COL23A1: variants seen among roughly 807,000 people sequenced by gnomAD.
COL23A1 encodes collagen type XXIII alpha 1 chain.
COL23A1 carries 97 observed loss-of-function variants against 99.3 expected under a neutral mutation model. The ratio of observed to expected loss-of-function variants is 0.98; its 90% CI spans 0.83 to 1.16. The LOEUF (loss-of-function observed/expected upper bound fraction) is 1.16. Ranked by LOEUF, COL23A1 falls within the 50% of genes most tolerant of loss-of-function variation. The pLI is 0.00. For synonymous variants in COL23A1, 320 were observed against 308.2 expected, an observed-to-expected ratio of 1.04 and a Z score of -0.40; for missense variants, 762 against 757.4, an observed-to-expected ratio of 1.01 and a Z score of -0.07.
intron 2 of COL23A1, among the ~76,000 whole-genome samples, chr5:178,527,112 T>G (rs965144483): frequency 4.6e-5 from 7 of 152,038 alleles, no homozygotes; most frequent in African/African-American, 2.4e-5. Context: ...AAGGGGGAAG[T>G]TGGACCCCAG....
At chr5:178,435,476 C>T (rs1766506431) in intron 2 of COL23A1, among the ~76,000 whole-genome samples, 1 of 152,198 alleles carries the variant, frequency 6.6e-6, no homozygotes, top group Admixed American at 6.5e-5. Flanking sequence ...GCAGCCCAGC[C>T]CTGGGGTGCA....
intron 2 of COL23A1, among the ~76,000 whole-genome samples, chr5:178,334,940 C>A (rs1043582984): frequency 6.6e-6 from 1 of 152,250 alleles, no homozygotes; most frequent in Non-Finnish European, 1.5e-5. Flanking sequence ...GTGCCTCCCC[C>A]ACACCCCAGA....
At chr5:178,549,260 C>T (rs1441535924) in intron 2 of COL23A1, among the ~76,000 whole-genome samples, 2 of 151,790 alleles carry the variant, frequency 1.3e-5, no homozygotes, top group East Asian at 1.9e-4. Flanking sequence ...TCCCAAAGTG[C>T]TGGGATTACA....
intron 2 of COL23A1, among the ~76,000 whole-genome samples, chr5:178,499,181 CCA>C (rs1758391383): frequency 6.6e-6 from 1 of 151,962 alleles, no homozygotes; most frequent in Non-Finnish European, 1.5e-5. Flanking sequence ...GAAAAAACAC[CCA>C]CACATAAAAC....
chr5:178,538,968 G>A (rs965063666), intron 2 of COL23A1, among the ~76,000 whole-genome samples: 1 of 152,178 alleles, frequency 6.6e-6, no homozygotes, highest in African/African-American at 2.4e-5. Context: ...AAAAGAAGCC[G>A]GATGAAAAAG....
chr5:178,503,717 T>C (rs1418835887), intron 2 of COL23A1, among the ~76,000 whole-genome samples: 2 of 151,812 alleles, frequency 1.3e-5, no homozygotes, highest in African/African-American at 2.4e-5. Flanking sequence ...AAGGTGAACT[T>C]GGGTATAGGA....
rs185227274 is a variant in COL23A1 at position 178,482,459 on chromosome 5, T to C, written c.361+78223A>G. Among the ~76,000 whole-genome samples the C allele has an allele frequency of 1.5e-3, 222 of 152,114 alleles. 1 individual carries two copies. Among genetic ancestry groups the C allele is most frequent in the African/African-American group, 4.8e-3 (200 of 41,498 alleles). On this transcript the variant is annotated intron_variant, in intron 2 of 28. Transcript: ENST00000390654. ...AACGGGGGCGGGGCAAAGAGGGGAT[T>C]GGGGAATTATCGTTTAATGGGTATG...
At chr5:178,510,709 G>T (rs1285364484) in intron 2 of COL23A1, among the ~76,000 whole-genome samples, 1 of 151,350 alleles carries the variant, frequency 6.6e-6, no homozygotes, top group Non-Finnish European at 1.5e-5. Context: ...AAAAAAAAGA[G>T]AAAAGAAAAT....
In COL23A1 at chr5:178,415,576, T is replaced by A. The variant is rs1207577474; in HGVS notation, c.362-108657A>T. ...ACGAGGGACGCCCCTTGCAGATACTTCCAATGTGCTGACTGCTGGCACCAG... is the reference window on the plus strand; with the variant it reads ...ACGAGGGACGCCCCTTGCAGATACTACCAATGTGCTGACTGCTGGCACCAG... On this transcript the variant is annotated intron_variant, in intron 2 of 28. Transcript: ENST00000390654. The surrounding 1 kb of genome is among the most constrained non-coding windows in gnomAD (Gnocchi z 4.6). 1.3e-5 allele frequency among the ~76,000 whole-genome samples: 2 copies of A among 152,058 alleles called. No homozygotes were observed. Among genetic ancestry groups the A allele is most frequent in the Non-Finnish European group, 2.9e-5 (2 of 68,004 alleles).
intron 2 of COL23A1, among the ~76,000 whole-genome samples, chr5:178,394,197 C>T (rs929958979): frequency 6.6e-6 from 1 of 152,210 alleles, no homozygotes; most frequent in East Asian, 1.9e-4. Flanking sequence ...TCACTATCTG[C>T]ACCTGTCCTG....
intron 2 of COL23A1, among the ~76,000 whole-genome samples, chr5:178,348,658 G>A (rs961932488): frequency 1.3e-5 from 2 of 152,194 alleles, no homozygotes; most frequent in African/African-American, 4.8e-5. Flanking sequence ...TGCCTCAGGA[G>A]GGGAAAGGGG....
At chr5:178,585,706 C>A (rs866310784) in intron 1 of COL23A1, among the ~76,000 whole-genome samples, 29 of 119,834 alleles carry the variant, frequency 2.4e-4, no homozygotes, top group African/African-American at 9.8e-4. Context: ...GCCCTACAGC[C>A]CTGGATGGCG....
Position 178,267,334 on chromosome 5 carries a change from CT to C in COL23A1, c.496-2del. ...GGGGGCCAAAGTCTCCTGGTGCACCCTGGGAACAAAAGACAGGGAGAGGCAT... is the reference window on the plus strand; with the variant it reads ...GGGGGCCAAAGTCTCCTGGTGCACCCGGGAACAAAAGACAGGGAGAGGCAT... On this transcript the variant is annotated splice_acceptor_variant, in intron 7 of 28. Coordinates refer to ENST00000390654, the MANE Select transcript of COL23A1 (RefSeq NM_173465.4). LOFTEE classifies it high-confidence loss of function. 1 of 1,613,720 alleles carries C rather than the reference CT, an allele frequency of 6.2e-7. No individual in the cohort carries two copies. Among genetic ancestry groups the C allele is most frequent in the Non-Finnish European group, 8.5e-7 (1 of 1,179,904 alleles).
Position 178,309,920 on chromosome 5 carries a change from T to C in COL23A1, c.362-3001A>G, listed in dbSNP as rs1365612893. Reference sequence around the variant, plus strand: ...CACTGCAGGACACGACCAAGTGATGTGTGTTCAGGGGAGGAAGGGCGGGGG... The same window carrying C: ...CACTGCAGGACACGACCAAGTGATGCGTGTTCAGGGGAGGAAGGGCGGGGG... On this transcript the variant is annotated intron_variant, in intron 2 of 28. Coordinates refer to ENST00000390654, the MANE Select transcript of COL23A1 (RefSeq NM_173465.4). The surrounding 1 kb of genome is among the most constrained non-coding windows in gnomAD (Gnocchi z 4.7). Among the ~76,000 whole-genome samples, 4 of 130,608 alleles carry C rather than the reference T, an allele frequency of 3.1e-5. No individual in the cohort carries two copies. 85.7% of individuals were successfully genotyped at this position (130,608 alleles called of 152,430 possible). A position where few individuals can be genotyped will look rare whatever the true frequency, so the allele number is the denominator to read the frequency against.
rs1215124397 is a variant in COL23A1, at chr5:178,322,134, AG to A, written c.362-15216del. 5.3e-5 allele frequency among the ~76,000 whole-genome samples: 8 copies of A among 151,950 alleles called. 1 individual carries two copies. Among genetic ancestry groups the A allele is most frequent in the Non-Finnish European group, 1.5e-5 (1 of 67,996 alleles). ...CAGCCTCCCAAGTAGCTGGGACTAT[AG>A]GCACCCGCCAGCACGCCCAGTTAAT... On this transcript the variant is annotated intron_variant, in intron 2 of 28. Coordinates refer to ENST00000390654, the MANE Select transcript of COL23A1 (RefSeq NM_173465.4).
At chr5:178,409,016 A>G (rs867673944) in intron 2 of COL23A1, among the ~76,000 whole-genome samples, 9,053 of 138,362 alleles carry the variant, frequency 0.065, 420 homozygotes, top group Middle Eastern at 0.11. Context: ...ACACACACAC[A>G]CACACATCAT....
chr5:178,276,287 C>A (rs1333006726), intron 5 of COL23A1, among the ~76,000 whole-genome samples: 2 of 149,720 alleles, frequency 1.3e-5, no homozygotes, highest in African/African-American at 2.5e-5. Context: ...AAACTGGCCG[C>A]GTTTAGAAGC....
intron 16 of COL23A1, 64 bp downstream of exon 16, chr5:178,254,885 G>C: frequency 7.3e-7 from 1 of 1,363,522 alleles, no homozygotes; most frequent in East Asian, 2.3e-5. Context: ...ATCACAAAGG[G>C]AGTGATTATT....
chr5:178,440,571 T>C (rs780848676), intron 2 of COL23A1, among the ~76,000 whole-genome samples: 54 of 152,148 alleles, frequency 3.5e-4, no homozygotes, highest in Admixed American at 7.2e-4. Context: ...GAATGCGGTG[T>C]ATACAGTAAG....
Sources: gnomAD v4.1 joint callset for allele counts (sites outside exome capture counted in the v4.1 genomes callset) on GRCh38, gnomAD v4.1.1 for gene constraint, Gnocchi (gnomAD v3.1) non-coding constraint, MANE v1.5 for transcripts, NCBI Gene and HGNC (gene_info 2026-07-23, HGNC 2026-07-21) for gene names.